CLVS1: variants seen among roughly 807,000 people sequenced by gnomAD.
CLVS1 encodes clavesin-1.
In CLVS1, 10 loss-of-function variants were observed where a neutral mutation model predicts 33.1. The ratio of observed to expected loss-of-function variants is 0.30; its 90% CI spans 0.19 to 0.51. CLVS1 has a LOEUF of 0.51. Ranked by LOEUF, CLVS1 falls within the 20% of genes least tolerant of loss-of-function variation. CLVS1 has a pLI of 0.97. For missense variants in CLVS1, 343 were observed against 433.4 expected (o/e 0.79, Z 1.85); for synonymous variants, 163 against 166.1 (o/e 0.98, Z 0.14).
intron 5 of CLVS1, among the ~76,000 whole-genome samples, chr8:61,488,999 G>A (rs1803973131): frequency 6.6e-6 from 1 of 152,186 alleles, no homozygotes; most frequent in Non-Finnish European, 1.5e-5. Flanking sequence ...CTTTATAGAT[G>A]CTGCCAGATA....
At chr8:60,981,435 G>A in the CLVS1 span, among the ~76,000 whole-genome samples, 1 of 152,210 alleles carries the variant, frequency 6.6e-6, no homozygotes. Flanking sequence ...TTCAAAACAG[G>A]CTGCTGCTCA....
At chr8:61,321,217 G>T (rs1016785281) in intron 2 of CLVS1, among the ~76,000 whole-genome samples, 1 of 152,096 alleles carries the variant, frequency 6.6e-6, no homozygotes, top group East Asian at 1.9e-4. Flanking sequence ...TGCTTCAGTA[G>T]CTGAGGACCT....
chr8:61,160,239 T>A (rs760284305), intron 2 of CLVS1, among the ~76,000 whole-genome samples: 2 of 152,218 alleles, frequency 1.3e-5, no homozygotes, highest in Non-Finnish European at 2.9e-5. Context: ...AATTGTACAA[T>A]CTTTGAAATC....
intron 5 of CLVS1, among the ~76,000 whole-genome samples, chr8:61,469,850 A>T (rs1459245229): frequency 6.6e-6 from 1 of 152,198 alleles, no homozygotes. Flanking sequence ...AATGATCCGC[A>T]GTCTCCACTG....
At chr8:61,490,323 CA>C (rs112419815) in intron 5 of CLVS1, among the ~76,000 whole-genome samples, 4,323 of 86,328 alleles carry the variant, frequency 0.05, 76 homozygotes, top group South Asian at 0.11. Context: ...AACTCCGTCT[CA>C]AAAAAAAAAA....
chr8:60,966,904 GA>G, the CLVS1 span, among the ~76,000 whole-genome samples: 1 of 152,098 alleles, frequency 6.6e-6, no homozygotes, highest in Admixed American at 6.5e-5. Flanking sequence ...AGGTTAGAGG[GA>G]AAAAATTCAA....
chr8:61,248,533 T>G (rs1808865254), intron 2 of CLVS1, among the ~76,000 whole-genome samples: 1 of 152,186 alleles, frequency 6.6e-6, no homozygotes, highest in African/African-American at 2.4e-5. Flanking sequence ...CCTAGTTTTT[T>G]TTGTGTGTGT....
intron 2 of CLVS1, among the ~76,000 whole-genome samples, chr8:61,154,819 T>C (rs925028490): frequency 7.9e-5 from 12 of 152,342 alleles, no homozygotes; most frequent in Admixed American, 2.0e-4. Flanking sequence ...GAGTCAACAT[T>C]CAACAAATCT....
intron 2 of CLVS1, among the ~76,000 whole-genome samples, chr8:61,274,996 A>G (rs1809534658): frequency 2.6e-5 from 4 of 152,134 alleles, no homozygotes; most frequent in Non-Finnish European, 5.9e-5. Context: ...AAGGTGCCCA[A>G]TTTGCAATCA....
At chr8:61,088,812 T>C (rs1212436875) in intron 1 of CLVS1, among the ~76,000 whole-genome samples, 2 of 151,702 alleles carry the variant, frequency 1.3e-5, no homozygotes, top group Non-Finnish European at 2.9e-5. Flanking sequence ...CTTTTTCTTT[T>C]TTTTTTTGAG....
intron 2 of CLVS1, among the ~76,000 whole-genome samples, chr8:61,366,798 C>T (rs1265860538): frequency 6.6e-6 from 1 of 152,202 alleles, no homozygotes; most frequent in Non-Finnish European, 1.5e-5. Context: ...GAAATATTCT[C>T]TTCTGCAGAC....
intron 3 of CLVS1, among the ~76,000 whole-genome samples, chr8:61,397,919 C>T (rs944146257): frequency 3.3e-5 from 5 of 152,082 alleles, no homozygotes; most frequent in African/African-American, 1.2e-4. Context: ...CAATAAGTTT[C>T]AAATCAGAAA....
At chr8:61,051,593 T>C in the CLVS1 span, among the ~76,000 whole-genome samples, 5 of 152,248 alleles carry the variant, frequency 3.3e-5, no homozygotes, top group African/African-American at 1.2e-4. Flanking sequence ...GGAGAGCCAC[T>C]GGCCTGCAGG....
At chr8:60,991,415 G>A in the CLVS1 span, among the ~76,000 whole-genome samples, 3 of 152,168 alleles carry the variant, frequency 2.0e-5, no homozygotes, top group Admixed American at 6.5e-5. Flanking sequence ...TATACTTTCT[G>A]GTTTTGGAAA....
intron 2 of CLVS1, among the ~76,000 whole-genome samples, chr8:61,149,561 A>AAC (rs1806484766): frequency 6.7e-6 from 1 of 149,768 alleles, no homozygotes; most frequent in African/African-American, 2.5e-5. Context: ...CAAAAAAAAA[A>AAC]AAAAAAACAA....
intron 1 of CLVS1, among the ~76,000 whole-genome samples, chr8:61,060,873 C>T (rs1310950991): frequency 1.3e-5 from 2 of 152,136 alleles, no homozygotes; most frequent in African/African-American, 2.4e-5. Flanking sequence ...AAATCTGAGC[C>T]CCATTCCTAC....
the CLVS1 span, among the ~76,000 whole-genome samples, chr8:61,033,031 AAGAAAGAAAGAAAGAAAAAG>A: frequency 4.9e-5 from 6 of 122,090 alleles, no homozygotes; most frequent in African/African-American, 1.9e-4. Flanking sequence ...GAAAGAAAGA[AAGAAAGAAAGAAAGAAAAAG>A]AAAGAAAGAT....
At chr8:61,417,691 C>T (rs1397543495) in intron 3 of CLVS1, among the ~76,000 whole-genome samples, 3 of 152,216 alleles carry the variant, frequency 2.0e-5, no homozygotes, top group Admixed American at 2.0e-4. Context: ...CATCTTCCAA[C>T]TAGGTACTCA....
At chr8:61,005,790 C>T in the CLVS1 span, among the ~76,000 whole-genome samples, 2 of 152,102 alleles carry the variant, frequency 1.3e-5, no homozygotes, top group Non-Finnish European at 2.9e-5. Context: ...GCCAGTGTGC[C>T]CACTGATACT....
Sources: allele counts gnomAD v4.1 joint callset (sites outside exome capture counted in the v4.1 genomes callset), GRCh38; gene constraint gnomAD v4.1.1; transcripts MANE v1.5; gene names NCBI Gene and HGNC (gene_info 2026-07-23, HGNC 2026-07-21).